Variants in ZNF385A observed in about 807,000 individuals in gnomAD.
ZNF385A encodes the protein zinc finger protein 385A, also known as hematopoietic zinc finger protein.
In ZNF385A, 14 loss-of-function variants were observed where a neutral mutation model predicts 32.1. That is an observed-to-expected ratio of 0.44 (90% CI 0.29 to 0.68). The LOEUF (loss-of-function observed/expected upper bound fraction) is 0.68. Among genes scored for constraint, ZNF385A ranks in the 30% least tolerant of loss-of-function variants. The pLI is 0.14. For synonymous variants in ZNF385A, 197 were observed against 202.7 expected, an observed-to-expected ratio of 0.97 and a Z score of 0.24; for missense variants, 406 against 478.4, an observed-to-expected ratio of 0.85 and a Z score of 1.41.
At position 54,375,973 on chromosome 12, in the gene ZNF385A, G is replaced by A; in HGVS notation, c.88-19C>T. 6.2e-7 allele frequency: 1 copy of A among 1,605,742 alleles called. No homozygotes were observed. The highest frequency in any genetic ancestry group is 8.5e-7 in the Non-Finnish European group (1 of 1,172,480). ...GGTCCATCTGTGGAGGCAGGCTGGG[G>A]TGAGCCGGGAACCCTAGCGCAACTC... is the stretch of plus-strand genomic sequence containing the variant. On this transcript the variant is annotated intron_variant, in intron 1 of 6. Coordinates refer to ENST00000394313, the MANE Select transcript of ZNF385A (RefSeq NM_015481.3).
intron 2 of ZNF385A, among the ~76,000 whole-genome samples, chr12:54,375,392 C>G (rs1368555790): frequency 1.3e-5 from 2 of 151,618 alleles, no homozygotes; most frequent in East Asian, 3.9e-4. Flanking sequence ...GAGAAGGAAG[C>G]CAGAAAGTTA....
intron 1 of ZNF385A, among the ~76,000 whole-genome samples, chr12:54,377,142 T>A (rs757617482): frequency 2.6e-5 from 4 of 152,230 alleles, no homozygotes; most frequent in Non-Finnish European, 5.9e-5. Flanking sequence ...GAAAGCCCTG[T>A]CCTCTGGACT....
chr12:54,388,698 A>G (rs1955557996), upstream of ZNF385A, among the ~76,000 whole-genome samples: 1 of 152,212 alleles, frequency 6.6e-6, no homozygotes, highest in South Asian at 2.1e-4. Flanking sequence ...GACTTGGGCC[A>G]CAGGAGAAAT....
At chr12:54,387,271 G>C (rs1023025023), upstream of ZNF385A, among the ~76,000 whole-genome samples, 1 of 152,208 alleles carries the variant, frequency 6.6e-6, no homozygotes, top group African/African-American at 2.4e-5. Flanking sequence ...TGAGCCCTGG[G>C]TGAGCGGGGG....
At chr12:54,385,695 C>T (rs1462489942), upstream of ZNF385A, 24 of 984,860 alleles carry the variant, frequency 2.4e-5, no homozygotes, top group South Asian at 9.9e-4. Flanking sequence ...ATGCCTGCTG[C>T]CCCCAGGCAG....
Position 54,370,260 on chromosome 12 carries a change from T to G in ZNF385A, c.1097A>C (p.Tyr366Ser). The G allele has an allele frequency of 6.8e-7, 1 of 1,459,996 alleles. No individual in the cohort carries two copies. The highest frequency in any genetic ancestry group is 9.1e-7 in the Non-Finnish European group (1 of 1,103,672). 90.4% of individuals were successfully genotyped at this position (1,459,996 alleles called of 1,614,324 possible). The change falls in exon 7 of 7, where the codon TAC becomes TCC. Residue 366 changes from tyrosine to serine, a missense_variant. Transcript: ENST00000394313. The surrounding 1 kb of genome is among the most constrained non-coding windows in gnomAD (Gnocchi z 5.5). ...GGGAGGGGTTCAGGGTTGAGGTCAGTACGGGGAGAAGAGGATGGGTCCGTG... is the reference window on the plus strand; with the variant it reads ...GGGAGGGGTTCAGGGTTGAGGTCAGGACGGGGAGAAGAGGATGGGTCCGTG... Reference protein sequence around the residue: ...TAHGPILFSPY With the variant: ...TAHGPILFSPS
intron 2 of ZNF385A, among the ~76,000 whole-genome samples, chr12:54,374,717 T>A (rs1954749002): frequency 6.6e-6 from 1 of 151,998 alleles, no homozygotes; most frequent in Admixed American, 6.5e-5. Flanking sequence ...GAGACAGCTG[T>A]CAAAACAGAA....
In ZNF385A at chr12:54,370,132, C is replaced by A. The variant is rs1224481294; in HGVS notation, c.*124G>T. On this transcript the variant is annotated 3_prime_UTR_variant, in exon 7 of 7. Coordinates refer to ENST00000394313, the MANE Select transcript of ZNF385A (RefSeq NM_015481.3). The surrounding 1 kb of genome is among the most constrained non-coding windows in gnomAD (Gnocchi z 5.5). ...TCCCCTTTCCTGGAACCCCGTATCT[C>A]GGGGTGGGGGGGGGGAAGGAGAGAT... is the stretch of plus-strand genomic sequence containing the variant. The A allele has an allele frequency of 8.2e-6, 6 of 732,820 alleles. No homozygotes were observed. The highest frequency in any genetic ancestry group is 1.9e-6 in the Non-Finnish European group (1 of 520,962). 45.4% of individuals were successfully genotyped at this position (732,820 alleles called of 1,614,324 possible).
intron 1 of ZNF385A, among the ~76,000 whole-genome samples, chr12:54,379,800 G>C (rs1024247553): frequency 6.6e-6 from 1 of 152,194 alleles, no homozygotes; most frequent in Non-Finnish European, 1.5e-5. Flanking sequence ...ACCTGCCGGA[G>C]AACCAGGCTC....
chr12:54,378,154 C>T (rs537175447), intron 1 of ZNF385A, among the ~76,000 whole-genome samples: 1 of 152,276 alleles, frequency 6.6e-6, no homozygotes, highest in South Asian at 2.1e-4. Context: ...GTGGGTGCTT[C>T]CCACCCTCCT....
At position 54,370,686 on chromosome 12, in the gene ZNF385A, G is replaced by A. The variant is rs1340363891; in HGVS notation, c.810C>T (p.Ala270=). 1.9e-6 allele frequency: 3 copies of A among 1,602,098 alleles called. No individual in the cohort carries two copies. The highest frequency in any genetic ancestry group is 3.4e-5 in the Admixed American group (2 of 58,780). Residue 270 remains alanine (A), a synonymous_variant, in exon 6 of 7, where the codon GCC becomes GCT. Transcript: ENST00000394313. This position sits in a 1 kb window ranked among gnomAD's most constrained non-coding sequence, Gnocchi z 5.5. ...GGCTCAGTAGTGGGTTGGGCTTCCC[G>A]GCCACGCCGTCTCGGTGCCGCCGGC... ...ISSRRHRDGV[A]GKPNPLLSRH...
rs1272160776 is a variant in ZNF385A at position 54,384,603 on chromosome 12, TA to T, written c.-90del. ...AAAACATTCTGTGGGGTAGGAAGAT[TA>T]AAGCTTGGGAACCCCACCCAAGCCT... On this transcript the variant is annotated 5_prime_UTR_variant, in exon 1 of 7. Coordinates refer to ENST00000394313, the MANE Select transcript of ZNF385A (RefSeq NM_015481.3). 4 of 1,423,774 alleles carry T rather than the reference TA, an allele frequency of 2.8e-6. No individual in the cohort carries two copies. The highest frequency in any genetic ancestry group is 3.7e-6 in the Non-Finnish European group (4 of 1,090,094). 88.2% of individuals were successfully genotyped at this position (1,423,774 alleles called of 1,614,324 possible). A position where few individuals can be genotyped will look rare whatever the true frequency, so the allele number is the denominator to read the frequency against.
chr12:54,386,528 C>G (rs941171482), upstream of ZNF385A, among the ~76,000 whole-genome samples: 1 of 152,256 alleles, frequency 6.6e-6, no homozygotes. Flanking sequence ...GGCATCTGCC[C>G]TCTGTGCCCC....
At chr12:54,377,250 T>C (rs781568686) in intron 1 of ZNF385A, among the ~76,000 whole-genome samples, 4 of 152,160 alleles carry the variant, frequency 2.6e-5, no homozygotes, top group Non-Finnish European at 4.4e-5. Context: ...CCTCATCCAC[T>C]CTCCATTTGG....
At position 54,370,183 on chromosome 12, in the gene ZNF385A, G is replaced by T; in HGVS notation, c.*73C>A. 1 of 1,183,788 alleles carries T rather than the reference G, an allele frequency of 8.4e-7. No individual in the cohort carries two copies. Among genetic ancestry groups the T allele is most frequent in the Non-Finnish European group, 1.1e-6 (1 of 876,302 alleles). The allele number at this position is 1,183,788 out of a possible 1,614,324, so 73.3% of individuals were successfully genotyped here. On this transcript the variant is annotated 3_prime_UTR_variant, in exon 7 of 7. Transcript: ENST00000394313. The surrounding 1 kb of genome is among the most constrained non-coding windows in gnomAD (Gnocchi z 5.5). ...CATTTAGGGAGTGCCGGGAGGAGGG[G>T]CGGGCTGGGAGCCCGGACGCCTGGG... is the stretch of plus-strand genomic sequence containing the variant.
chr12:54,377,995 A>G (rs771649238), intron 1 of ZNF385A, among the ~76,000 whole-genome samples: 1 of 152,206 alleles, frequency 6.6e-6, no homozygotes, highest in Non-Finnish European at 1.5e-5. Flanking sequence ...CCCAACATCC[A>G]TACCATGAGA....
upstream of ZNF385A, chr12:54,385,657 C>T: frequency 2.0e-6 from 2 of 985,578 alleles, no homozygotes; most frequent in Non-Finnish European, 2.4e-6. Context: ...CCTCCAGACA[C>T]CACCCCCTTT....
At position 54,378,072 on chromosome 12, in the gene ZNF385A, C is replaced by T. The variant is rs572115375; in HGVS notation, c.88-2118G>A. Among the ~76,000 whole-genome samples the T allele has an allele frequency of 2.1e-4, 32 of 152,290 alleles. No individual in the cohort carries two copies. In the South Asian group the frequency reaches 2.9e-3, roughly 14 times the overall value. ...CCTTAGCTTTTGCACAACCCCCTCC[C>T]CTGGTTTAAGTCCATAAACACCAAC... On this transcript the variant is annotated intron_variant, in intron 1 of 6. Coordinates refer to ENST00000394313, the MANE Select transcript of ZNF385A (RefSeq NM_015481.3).
At chr12:54,375,387 G>A (rs1954792034) in intron 2 of ZNF385A, among the ~76,000 whole-genome samples, 1 of 151,772 alleles carries the variant, frequency 6.6e-6, no homozygotes, top group Non-Finnish European at 1.5e-5. Context: ...GGAGAGAGAA[G>A]GAAGCCAGAA....
Sources: gnomAD v4.1 joint callset for allele counts (sites outside exome capture counted in the v4.1 genomes callset) on GRCh38, gnomAD v4.1.1 for gene constraint, Gnocchi (gnomAD v3.1) non-coding constraint, MANE v1.5 for transcripts, NCBI Gene and HGNC (gene_info 2026-07-23, HGNC 2026-07-21) for gene names.